The following ITGA8 variants were observed in gnomAD, a reference collection of about 807,000 sequenced individuals.
ITGA8 encodes integrin alpha-8.
ITGA8 carries 91 observed loss-of-function variants against 142.3 expected under a neutral mutation model. The observed-to-expected ratio is 0.64, with a 90% confidence interval of 0.54 to 0.76. The LOEUF is 0.76. Among genes scored for constraint, ITGA8 ranks in the 30% least tolerant of loss-of-function variants. The probability of loss-of-function intolerance (pLI) is 0.00; values close to 1 mark genes in which losing one functional copy is unlikely to be tolerated. For missense variants in ITGA8, 1,406 were observed against 1,327.7 expected (o/e 1.06, Z -0.92); for synonymous variants, 505 against 485.2 (o/e 1.04, Z -0.54).
intron 5 of ITGA8, 111 bp from the exon 6 acceptor site, chr10:15,677,748 T>G: frequency 2.0e-6 from 2 of 979,848 alleles, no homozygotes; most frequent in Non-Finnish European, 3.0e-6. Flanking sequence ...TTGTTACACA[T>G]AAAAAGCAAT....
intron 2 of ITGA8, among the ~76,000 whole-genome samples, chr10:15,702,854 A>G (rs968991753): frequency 4.6e-5 from 7 of 152,358 alleles, no homozygotes; most frequent in Non-Finnish European, 8.8e-5. Flanking sequence ...CAAACAGTAC[A>G]AAGTAACAAA....
rs1044612676 is a variant in ITGA8, at chr10:15,604,310, G to A, written c.2016C>T (p.Leu672=). 1.9e-6 allele frequency: 3 copies of A among 1,611,956 alleles called. No homozygotes were observed. The highest frequency in any genetic ancestry group is 1.7e-6 in the Non-Finnish European group (2 of 1,178,864). ...VIIGDENHLM[L]IINARNEGEG... Reference sequence around the variant, plus strand: ...CCCCTTCATTTCTTGCATTTATTATGAGCATAAGGTGATTTTCATCTCCAA... The same window carrying A: ...CCCCTTCATTTCTTGCATTTATTATAAGCATAAGGTGATTTTCATCTCCAA... Residue 672 remains leucine (L), a synonymous_variant, in exon 20 of 30, where the codon CTC becomes CTT. Coordinates refer to ENST00000378076, the MANE Select transcript of ITGA8 (RefSeq NM_003638.3).
intron 10 of ITGA8, among the ~76,000 whole-genome samples, chr10:15,658,186 C>T (rs1441678085): frequency 6.6e-6 from 1 of 152,124 alleles, no homozygotes; most frequent in Non-Finnish European, 1.5e-5. Context: ...CCAAGTGGCT[C>T]AAAGAGGTCA....
intron 13 of ITGA8, among the ~76,000 whole-genome samples, chr10:15,639,356 G>C (rs999687809): frequency 6.6e-6 from 1 of 152,122 alleles, no homozygotes; most frequent in Non-Finnish European, 1.5e-5. Context: ...CAAGAATCTA[G>C]GGTGGTTTTG....
intron 27 of ITGA8, among the ~76,000 whole-genome samples, chr10:15,535,370 G>A (rs927031384): frequency 6.2e-4 from 95 of 152,352 alleles, no homozygotes; most frequent in African/African-American, 2.1e-3. Context: ...CGCCGGTGCG[G>A]GATCCACTAG....
intron 27 of ITGA8, among the ~76,000 whole-genome samples, chr10:15,547,640 GAGCCAACCAC>G (rs1216611275): frequency 1.3e-5 from 2 of 152,166 alleles, no homozygotes; most frequent in African/African-American, 4.8e-5. Flanking sequence ...GTGGGATGCA[GAGCCAACCAC>G]AGGAGTGGTG....
chr10:15,718,253 AT>A (rs1196897685), intron 2 of ITGA8, among the ~76,000 whole-genome samples: 2 of 152,214 alleles, frequency 1.3e-5, no homozygotes, highest in Admixed American at 6.5e-5. Flanking sequence ...ACTAGTTTGC[AT>A]TCAATGTCTA....
chr10:15,678,720 A>G lies in ITGA8; in HGVS notation c.630+2T>C. Reference sequence around the variant, plus strand: ...AGGAACTGCGAGACCAAAATAATTCACCTTATAAAAATCCAGACTAAATCC... The same window carrying G: ...AGGAACTGCGAGACCAAAATAATTCGCCTTATAAAAATCCAGACTAAATCC... On this transcript the variant is annotated splice_donor_variant, in intron 5 of 29. Transcript: ENST00000378076. LOFTEE classifies it high-confidence loss of function. 6.2e-7 allele frequency: 1 copy of G among 1,605,764 alleles called. No individual in the cohort carries two copies.
At chr10:15,656,437 C>T (rs990514505) in intron 10 of ITGA8, among the ~76,000 whole-genome samples, 9 of 151,816 alleles carry the variant, frequency 5.9e-5, no homozygotes, top group African/African-American at 9.7e-5. Context: ...GATCTTGGCT[C>T]ACTGCAACCT....
chr10:15,560,545 G>A (rs1392757548), intron 25 of ITGA8, among the ~76,000 whole-genome samples: 1 of 152,154 alleles, frequency 6.6e-6, no homozygotes, highest in African/African-American at 2.4e-5. Context: ...TAATAGAGAA[G>A]AAAAACTGTA....
intron 11 of ITGA8, among the ~76,000 whole-genome samples, chr10:15,648,828 G>T (rs532741171): frequency 4.1e-4 from 63 of 152,258 alleles, no homozygotes; most frequent in African/African-American, 1.5e-3. Context: ...TATGTTTAAG[G>T]TACTTTGATA....
intron 2 of ITGA8, among the ~76,000 whole-genome samples, chr10:15,702,266 TA>T (rs909451889): frequency 2.4e-4 from 37 of 152,168 alleles, no homozygotes; most frequent in African/African-American, 8.4e-4. Context: ...AGATCAAATA[TA>T]AATACCCTGC....
intron 28 of ITGA8, among the ~76,000 whole-genome samples, chr10:15,524,686 A>C (rs1447475517): frequency 6.6e-6 from 1 of 152,238 alleles, no homozygotes; most frequent in Non-Finnish European, 1.5e-5. Flanking sequence ...TTGACTGCAT[A>C]GGCAAGCTTA....
chr10:15,520,523 A>C (rs934183745), intron 28 of ITGA8, among the ~76,000 whole-genome samples: 3 of 152,182 alleles, frequency 2.0e-5, no homozygotes, highest in African/African-American at 7.2e-5. Context: ...GACCTTCCCA[A>C]TCTGACTGCA....
chr10:15,692,133 A>G (rs917010677), intron 2 of ITGA8, among the ~76,000 whole-genome samples: 1 of 151,856 alleles, frequency 6.6e-6, no homozygotes, highest in African/African-American at 2.4e-5. Context: ...AGGTTTTGCT[A>G]TGTTGCCCAG....
At chr10:15,667,228 C>A (rs1256362124) in intron 8 of ITGA8, among the ~76,000 whole-genome samples, 1 of 152,100 alleles carries the variant, frequency 6.6e-6, no homozygotes, top group African/African-American at 2.4e-5. Context: ...GATTCAACTT[C>A]TTTCTGGTTT....
intron 27 of ITGA8, among the ~76,000 whole-genome samples, chr10:15,541,445 A>T (rs1005683978): frequency 6.6e-6 from 1 of 152,202 alleles, no homozygotes; most frequent in African/African-American, 2.4e-5. Context: ...GTTCAAAGGT[A>T]TCACAAGTTT....
chr10:15,618,902 C>T (rs1219961172), intron 13 of ITGA8, among the ~76,000 whole-genome samples: 1 of 152,180 alleles, frequency 6.6e-6, no homozygotes, highest in East Asian at 1.9e-4. Context: ...TTAGTTCTGT[C>T]CCTCTAGAGA....
intron 26 of ITGA8, among the ~76,000 whole-genome samples, chr10:15,549,634 T>C (rs138556490): frequency 6.6e-6 from 1 of 152,322 alleles, no homozygotes; most frequent in East Asian, 1.9e-4. Context: ...TTTAAATTTA[T>C]CTTGTGGCCC....
Sources: allele counts gnomAD v4.1 joint callset (sites outside exome capture counted in the v4.1 genomes callset), GRCh38; gene constraint gnomAD v4.1.1; transcripts MANE v1.5; gene names NCBI Gene and HGNC (gene_info 2026-07-23, HGNC 2026-07-21).